The following MDN1 variants were observed in gnomAD, a reference collection of about 807,000 sequenced individuals.
MDN1 encodes midasin AAA ATPase 1.
Under a neutral mutation model 669.2 loss-of-function variants are expected in MDN1, and 266 were observed. The observed-to-expected ratio is 0.40, with a 90% CI of 0.36 to 0.44. The LOEUF (loss-of-function observed/expected upper bound fraction) is 0.44. MDN1 is among the 20% of genes least tolerant of loss of function. The pLI, the probability that MDN1 is intolerant of heterozygous loss-of-function variation, is 1.00. For synonymous variants in MDN1, 2,385 were observed against 2,457.1 expected, an observed-to-expected ratio of 0.97 and a Z score of 0.87; for missense variants, 5,940 against 6,754.0, an observed-to-expected ratio of 0.88 and a Z score of 4.22.
At chr6:89,690,920 A>ACTTTCATTTTC in intron 63 of MDN1, 86 bp from the exon 64 acceptor site, 1 of 1,460,848 alleles carries the variant, frequency 6.8e-7, no homozygotes, top group Non-Finnish European at 9.3e-7. Context: ...TTCTCATGAA[A>ACTTTCATTTTC]ATGAAAGTAT....
At position 89,725,283 on chromosome 6, in the gene MDN1, C is replaced by A. The variant is rs376719538; in HGVS notation, c.5586G>T (p.Thr1862=). Residue 1862 remains threonine, a synonymous_variant, in exon 38 of 102, where the codon ACG becomes ACT. Coordinates refer to ENST00000369393, the MANE Select transcript of MDN1 (RefSeq NM_014611.3). ...GMSFQVQHEK[T]KIFGCQNPFR... ...AGGGATTCTGACACCCAAAAATCTT[C>A]GTCTTTTCATGCTGCACTTGAAAGC... 2 of 1,614,024 alleles carry A rather than the reference C, an allele frequency of 1.2e-6. No individual in the cohort carries two copies. The highest frequency in any genetic ancestry group is 1.3e-5 in the African/African-American group (1 of 75,012).
At chr6:89,680,559 T>C in intron 74 of MDN1, 30 bp downstream of exon 74, 1 of 1,603,444 alleles carries the variant, frequency 6.2e-7, no homozygotes, top group Non-Finnish European at 8.5e-7. Flanking sequence ...AACAGAAAGA[T>C]CCACCCTTGA....
At chr6:89,731,804 C>A (rs551940147) in intron 34 of MDN1, among the ~76,000 whole-genome samples, 2 of 145,874 alleles carry the variant, frequency 1.4e-5, no homozygotes, top group African/African-American at 2.5e-5. Context: ...TACCGCCCCC[C>A]CCCCCCACCT....
In MDN1 at chr6:89,756,674, G is replaced by A. The variant is rs1332696787; in HGVS notation, c.2703-284C>T. ...GCGGTGGCTCACGCCTGTAATCCCA[G>A]CACTTTGGGAGGCCGAGGCCGGTGG... On this transcript the variant is annotated intron_variant, in intron 19 of 101. Transcript: ENST00000369393. Among the ~76,000 whole-genome samples, 3 of 152,186 alleles carry A rather than the reference G, an allele frequency of 2.0e-5. No individual in the cohort carries two copies. The East Asian group carries it at 5.8e-4, about 29-fold the overall frequency.
At position 89,662,839 on chromosome 6, in the gene MDN1, C is replaced by T. The variant is rs1809897016; in HGVS notation, c.14365G>A (p.Glu4789Lys). 6.2e-7 allele frequency: 1 copy of T among 1,605,268 alleles called. No individual in the cohort carries two copies. Among genetic ancestry groups the T allele is most frequent in the Admixed American group, 1.7e-5 (1 of 59,954 alleles). The change falls in exon 86 of 102, where the codon GAG becomes AAG. Residue 4789 changes from glutamate (E) to lysine (K), a missense_variant. Physicochemically the swap from Glu to Lys is moderately conservative, Grantham distance 56. Around this residue, in one of 5 missense-constraint regions of MDN1, gnomAD observed 2,280 missense variants for 2,576.3 expected, o/e 0.88. Transcript: ENST00000369393. ...WGDDDEEEDE[E>K]EEDNKTEETG... ...TCTTCAGTTTTATTGTCTTCTTCCT[C>T]CTCATCTTCCTCCTCATCATCATCA...
chr6:89,725,740 C>CT (rs11371433), intron 37 of MDN1, among the ~76,000 whole-genome samples: 97,892 of 137,178 alleles, frequency 0.71, 35,015 homozygotes, highest in Admixed American at 0.76. Context: ...CCAGCTAATT[C>CT]TTTTTTTTTT....
At chr6:89,648,468 T>C (rs1173292307) in intron 97 of MDN1, 139 bp from the exon 98 acceptor site, 2 of 733,406 alleles carry the variant, frequency 2.7e-6, no homozygotes, top group East Asian at 5.4e-5. Flanking sequence ...GTAAGGCTAC[T>C]ATAGTCACAA....
At chr6:89,712,832 G>T in intron 47 of MDN1, 46 bp from the exon 48 acceptor site, 13 of 1,556,498 alleles carry the variant, frequency 8.4e-6, no homozygotes, top group Non-Finnish European at 1.2e-5. Flanking sequence ...ACATAAAAGT[G>T]ATATTCCCCA....
At chr6:89,810,261 C>A (rs1046979248) in intron 1 of MDN1, among the ~76,000 whole-genome samples, 1 of 151,542 alleles carries the variant, frequency 6.6e-6, no homozygotes, top group African/African-American at 2.4e-5. Context: ...TACGGTGAAA[C>A]CCCGTCTCTA....
At chr6:89,729,677 GTTTTTTTTTT>G (rs35914010) in intron 35 of MDN1, among the ~76,000 whole-genome samples, 8 of 100,758 alleles carry the variant, frequency 7.9e-5, no homozygotes, top group African/African-American at 2.2e-4. Context: ...TTTTGTTTTC[GTTTTTTTTTT>G]TTTTTTTTTT....
In MDN1 at chr6:89,819,789, G is replaced by A. The variant is rs115117284; in HGVS notation, c.-182C>T. 1.3e-3 allele frequency: 755 copies of A among 594,314 alleles called. 5 individuals are homozygous for A. The African/African-American group carries it at 0.013, about 10-fold the overall frequency. 36.8% of individuals were successfully genotyped at this position (594,314 alleles called of 1,614,324 possible). A position where few individuals can be genotyped will look rare whatever the true frequency, so the allele number is the denominator to read the frequency against. On this transcript the variant is annotated 5_prime_UTR_variant, in exon 1 of 102. It adds an upstream start codon to the 5' untranslated region. Transcript: ENST00000369393. The stretch of plus-strand genomic sequence containing the variant: ...CGTGGGTGAGCACACGGCGTTTGAC[G>A]TCATCAGCTCGGGACGGCTACGCTG...
chr6:89,795,312 T>C (rs532076016), intron 2 of MDN1, among the ~76,000 whole-genome samples: 1 of 152,228 alleles, frequency 6.6e-6, no homozygotes, highest in East Asian at 1.9e-4. Context: ...CAGCCACTTT[T>C]AGAAACGCTA....
At position 89,676,141 on chromosome 6, in the gene MDN1, C is replaced by T. The variant is rs2128305080; in HGVS notation, c.12606G>A (p.Arg4202=). ...CTAGTGCTGCGTTAAGCCTGGCATG[C>T]CGTGCAAGAGAGCGATAAAAATACT... ...CQKYFYRSLA[R]HARLNAALAT... Residue 4202 remains arginine (R), a synonymous_variant, in exon 77 of 102, where the codon CGG becomes CGA. Coordinates refer to ENST00000369393, the MANE Select transcript of MDN1 (RefSeq NM_014611.3). 1 of 1,614,192 alleles carries T rather than the reference C, an allele frequency of 6.2e-7. No individual in the cohort carries two copies. The highest frequency in any genetic ancestry group is 2.2e-5 in the East Asian group (1 of 44,876).
chr6:89,670,174 T>A (rs9451260), intron 83 of MDN1, among the ~76,000 whole-genome samples: 56 of 60,280 alleles, frequency 9.3e-4, no homozygotes, highest in African/African-American at 1.2e-3. Context: ...ATATATATTT[T>A]TTTTTTTTTT....
chr6:89,733,251 C>A (rs1815720901), intron 33 of MDN1, among the ~76,000 whole-genome samples: 1 of 150,574 alleles, frequency 6.6e-6, no homozygotes. Flanking sequence ...TTTTTTACAT[C>A]TATTCAGCAA....
rs771008356 is a variant in MDN1, at chr6:89,774,626, T to C, written c.1929A>G (p.Leu643=). 1.2e-6 allele frequency: 2 copies of C among 1,611,966 alleles called. No individual in the cohort carries two copies. The highest frequency in any genetic ancestry group is 2.2e-5 in the East Asian group (1 of 44,844). ...LLRKQSEAVH[L]QREKFTFAAT... ...TAGTTTAGAGCCCTACTTACCTCTG[T>C]AGGTGAACAGCCTCACTTTGTTTCC... The change falls in exon 13 of 102, where the codon CTA becomes CTG. Residue 643 remains leucine, a synonymous_variant. Coordinates refer to ENST00000369393, the MANE Select transcript of MDN1 (RefSeq NM_014611.3).
At position 89,732,758 on chromosome 6, in the gene MDN1, C is replaced by T. The variant is rs780306758; in HGVS notation, c.4741G>A (p.Val1581Met). 2 of 1,613,986 alleles carry T rather than the reference C, an allele frequency of 1.2e-6. No individual in the cohort carries two copies. Among genetic ancestry groups the T allele is most frequent in the Non-Finnish European group, 1.7e-6 (2 of 1,179,998 alleles). Reference sequence around the variant, plus strand: ...AGCCAGTCAATGAAATCCAGCATCACTTCAGGTATGTCAGACCCTAAACAC... The same window carrying T: ...AGCCAGTCAATGAAATCCAGCATCATTTCAGGTATGTCAGACCCTAAACAC... The part of the protein sequence containing the change: ...IDPKGSDIPE[V>M]MLDFIDWLTH... Residue 1581 changes from valine (V) to methionine (M), a missense_variant, in exon 34 of 102, where the codon GTG becomes ATG. This residue lies in a region of MDN1 where 2,292 missense variants were observed against 2,638.3 expected (regional missense o/e 0.87). Coordinates refer to ENST00000369393, the MANE Select transcript of MDN1 (RefSeq NM_014611.3).
At chr6:89,818,338 A>G (rs1768985174) in intron 1 of MDN1, among the ~76,000 whole-genome samples, 1 of 150,206 alleles carries the variant, frequency 6.7e-6, no homozygotes, top group Non-Finnish European at 1.5e-5. Flanking sequence ...AAAAAAAAAA[A>G]AAAAAAAAAT....
chr6:89,735,751 G>A (rs918955463), intron 33 of MDN1, among the ~76,000 whole-genome samples: 7 of 152,156 alleles, frequency 4.6e-5, no homozygotes, highest in African/African-American at 1.7e-4. Flanking sequence ...GCCAGGCATG[G>A]TGGCTCACAC....
Sources: gnomAD v4.1 joint callset for allele counts (sites outside exome capture counted in the v4.1 genomes callset) on GRCh38, gnomAD v4.1.1 for gene constraint, gnomAD v4.1.1 regional missense constraint, MANE v1.5 for transcripts, NCBI Gene and HGNC (gene_info 2026-07-23, HGNC 2026-07-21) for gene names.